Variants in RSBN1L observed in about 807,000 individuals in gnomAD.
RSBN1L encodes the protein lysine-specific demethylase RSBN1L.
A neutral mutation model predicts 67.7 loss-of-function variants in RSBN1L; 30 were observed. That is an observed-to-expected ratio of 0.44 (90% CI 0.33 to 0.60). The LOEUF is 0.60. Among genes scored for constraint, RSBN1L ranks in the 20% least tolerant of loss-of-function variants. The pLI, the probability that RSBN1L is intolerant of heterozygous loss-of-function variation, is 0.02. For missense variants in RSBN1L, 992 were observed against 1,031.7 expected (o/e 0.96, Z 0.53); for synonymous variants, 433 against 387.0 (o/e 1.12, Z -1.39).
chr7:77,747,883 GCATGATGCTGGCAT>G (rs1411990239), intron 2 of RSBN1L, among the ~76,000 whole-genome samples: 1 of 151,414 alleles, frequency 6.6e-6, no homozygotes, highest in Non-Finnish European at 1.5e-5. Flanking sequence ...TGTACAGGAA[GCATGATGCTGGCAT>G]CTGCTCAGCT....
intron 3 of RSBN1L, among the ~76,000 whole-genome samples, chr7:77,757,012 A>AT (rs1791628806): frequency 6.6e-6 from 1 of 152,168 alleles, no homozygotes; most frequent in Non-Finnish European, 1.5e-5. Context: ...TTCATGATGA[A>AT]TTTGTATCCT....
At chr7:77,752,235 C>A (rs994778085) in intron 3 of RSBN1L, among the ~76,000 whole-genome samples, 3 of 152,128 alleles carry the variant, frequency 2.0e-5, no homozygotes, top group Non-Finnish European at 2.9e-5. Flanking sequence ...AAACTCCAGG[C>A]AGATGGATCC....
In RSBN1L at chr7:77,779,267, T is replaced by A; in HGVS notation, c.*99T>A. 1.2e-6 allele frequency: 1 copy of A among 822,004 alleles called. No homozygotes were observed. 50.9% of individuals were successfully genotyped at this position (822,004 alleles called of 1,614,324 possible). A position where few individuals can be genotyped will look rare whatever the true frequency, so the allele number is the denominator to read the frequency against. On this transcript the variant is annotated 3_prime_UTR_variant, in exon 8 of 8. Coordinates refer to ENST00000334955, the MANE Select transcript of RSBN1L (RefSeq NM_198467.3). ...GCCAAGGACTTGCTCCTATGTCTGT[T>A]ACAAAACATAGTTTATGTAGCTTTG...
intron 2 of RSBN1L, among the ~76,000 whole-genome samples, chr7:77,736,865 A>C (rs1791344401): frequency 6.6e-6 from 1 of 152,220 alleles, no homozygotes; most frequent in African/African-American, 2.4e-5. Context: ...TTGCCAAAGC[A>C]AGTTTTAGTA....
intron 1 of RSBN1L, among the ~76,000 whole-genome samples, chr7:77,732,768 T>A (rs770448786): frequency 6.6e-6 from 1 of 152,214 alleles, no homozygotes; most frequent in South Asian, 2.1e-4. Flanking sequence ...TAAATAGATA[T>A]TATTCTACAT....
intron 1 of RSBN1L, among the ~76,000 whole-genome samples, chr7:77,708,551 T>G (rs1161438455): frequency 6.6e-6 from 1 of 152,046 alleles, no homozygotes; most frequent in African/African-American, 2.4e-5. Flanking sequence ...CTGGCTCATT[T>G]TTTTGTATTT....
At chr7:77,745,939 C>T (rs1278561232) in intron 2 of RSBN1L, among the ~76,000 whole-genome samples, 1 of 151,992 alleles carries the variant, frequency 6.6e-6, no homozygotes, top group African/African-American at 2.4e-5. Flanking sequence ...TAGGGTTCAC[C>T]CTCCTATGAG....
At chr7:77,773,113 T>C (rs1791869093) in intron 5 of RSBN1L, 34 bp from the exon 6 acceptor site, 2 of 1,235,166 alleles carry the variant, frequency 1.6e-6, no homozygotes, top group Admixed American at 4.5e-5. Flanking sequence ...TAAGTGTCAC[T>C]ATATAAATGT....
chr7:77,727,674 C>G (rs1221489440), intron 1 of RSBN1L, among the ~76,000 whole-genome samples: 2 of 151,574 alleles, frequency 1.3e-5, no homozygotes, highest in African/African-American at 4.9e-5. Context: ...CTTTCTTCCC[C>G]AGGCTGGTCT....
chr7:77,699,353 A>T (rs952472025), intron 1 of RSBN1L, among the ~76,000 whole-genome samples: 4 of 152,340 alleles, frequency 2.6e-5, no homozygotes, highest in Admixed American at 2.6e-4. Flanking sequence ...CCCCAATTTG[A>T]TTAAACAATT....
chr7:77,722,701 C>T (rs950164581), intron 1 of RSBN1L, among the ~76,000 whole-genome samples: 41 of 151,878 alleles, frequency 2.7e-4, no homozygotes, highest in Admixed American at 5.3e-4. Flanking sequence ...TTCTCTTCTT[C>T]TGCCGCTGCT....
rs769360757 is a variant in RSBN1L, at chr7:77,749,840, C to T, written c.1120C>T (p.Pro374Ser). The T allele has an allele frequency of 1.9e-6, 3 of 1,614,058 alleles. No homozygotes were observed. The highest frequency in any genetic ancestry group is 2.5e-6 in the Non-Finnish European group (3 of 1,180,036). The change falls in exon 3 of 8, where the codon CCT becomes TCT. Residue 374 changes from proline (P) to serine (S), a missense_variant. Coordinates refer to ENST00000334955, the MANE Select transcript of RSBN1L (RefSeq NM_198467.3). ...CAGTAACGAACTCTCCCACCTGTCT[C>T]CTATGGAGATGGAGAGGTTTGCAGA... ...AYSNELSHLS[P>S]MEMERFAEEF...
At chr7:77,703,480 T>TTG (rs1790846470) in intron 1 of RSBN1L, among the ~76,000 whole-genome samples, 1 of 58,272 alleles carries the variant, frequency 1.7e-5, no homozygotes, top group Non-Finnish European at 3.5e-5. Flanking sequence ...TGTTTGGGTT[T>TTG]TTTTTTTTTT....
At chr7:77,750,169 T>C (rs1791536069) in intron 3 of RSBN1L, 105 bp downstream of exon 3, 1 of 609,546 alleles carries the variant, frequency 1.6e-6, no homozygotes. Flanking sequence ...GGTAAGAATA[T>C]AATGAAACCA....
intron 1 of RSBN1L, among the ~76,000 whole-genome samples, chr7:77,705,084 C>A (rs781207824): frequency 1.6e-4 from 24 of 152,060 alleles, no homozygotes; most frequent in Non-Finnish European, 2.5e-4. Context: ...TATCTTAACC[C>A]CCATACTATC....
At chr7:77,697,257 G>A (rs1317133488) in intron 1 of RSBN1L, 1 of 438,724 alleles carries the variant, frequency 2.3e-6, no homozygotes, top group Non-Finnish European at 3.7e-6. Flanking sequence ...GCAGAGAGGG[G>A]GATGGCCGAC....
intron 5 of RSBN1L, among the ~76,000 whole-genome samples, chr7:77,772,402 C>G (rs961537400): frequency 5.9e-5 from 9 of 152,196 alleles, no homozygotes; most frequent in African/African-American, 2.4e-5. Context: ...CAAAGAAATT[C>G]TTACCCTTTT....
chr7:77,726,013 CATACAT>C (rs1791199292), intron 1 of RSBN1L, among the ~76,000 whole-genome samples: 1 of 152,004 alleles, frequency 6.6e-6, no homozygotes, highest in Non-Finnish European at 1.5e-5. Flanking sequence ...TTTATATACA[CATACAT>C]ATACATGTGT....
chr7:77,743,090 G>T (rs1029010579), intron 2 of RSBN1L, among the ~76,000 whole-genome samples: 1 of 150,704 alleles, frequency 6.6e-6, no homozygotes, highest in Non-Finnish European at 1.5e-5. Flanking sequence ...GTCTTACTCT[G>T]TTGCCAGTAT....
Sources: gnomAD v4.1 joint callset for allele counts (sites outside exome capture counted in the v4.1 genomes callset) on GRCh38, gnomAD v4.1.1 for gene constraint, MANE v1.5 for transcripts, NCBI Gene and HGNC (gene_info 2026-07-23, HGNC 2026-07-21) for gene names.